The following ASTN2 variants were observed in gnomAD, a reference collection of about 807,000 sequenced individuals.
The protein encoded by ASTN2 is astrotactin 2.
In ASTN2, 54 loss-of-function variants were observed where a neutral mutation model predicts 139.8. The observed-to-expected ratio is 0.39, with a 90% confidence interval of 0.31 to 0.48. ASTN2 has a LOEUF of 0.48. Among genes scored for constraint, ASTN2 ranks in the 20% least tolerant of loss-of-function variants. ASTN2 has a pLI of 0.95. For missense variants in ASTN2, 1,565 were observed against 1,725.1 expected (o/e 0.91, Z 1.64); for synonymous variants, 756 against 719.5 (o/e 1.05, Z -0.81).
At chr9:117,112,006 T>TA (rs149500481) in intron 4 of ASTN2, among the ~76,000 whole-genome samples, 9,493 of 148,698 alleles carry the variant, frequency 0.064, 649 homozygotes, top group East Asian at 0.19. Context: ...CAGCAAAAGC[T>TA]AAAAAAAAAA....
At chr9:116,839,875 ATTATTATTTTTTTT>A (rs1564297108) in intron 11 of ASTN2, among the ~76,000 whole-genome samples, 2 of 106,028 alleles carry the variant, frequency 1.9e-5, no homozygotes, top group African/African-American at 9.2e-5. Context: ...TATTATTATT[ATTATTATTTTTTTT>A]TTTTTAATTG....
At chr9:116,445,816 C>T (rs1847970154) in intron 20 of ASTN2, among the ~76,000 whole-genome samples, 1 of 152,146 alleles carries the variant, frequency 6.6e-6, no homozygotes. Context: ...ATCTTTGCTC[C>T]CTAAAAGGTA....
chr9:117,296,276 TCAAAAAAA>T (rs1834731622), intron 1 of ASTN2, among the ~76,000 whole-genome samples: 1 of 12,164 alleles, frequency 8.2e-5, no homozygotes, highest in African/African-American at 2.8e-4. Context: ...AGACTGCATC[TCAAAAAAA>T]AAAAAAAAAA....
intron 19 of ASTN2, among the ~76,000 whole-genome samples, chr9:116,526,779 G>A (rs1005451669): frequency 1.1e-4 from 16 of 152,116 alleles, no homozygotes; most frequent in Admixed American, 3.3e-4. Flanking sequence ...AGCTCAGCCC[G>A]ATATCTGTAT....
intron 1 of ASTN2, among the ~76,000 whole-genome samples, chr9:117,312,968 A>G (rs961249127): frequency 6.6e-6 from 1 of 152,064 alleles, no homozygotes; most frequent in Admixed American, 6.6e-5. Flanking sequence ...AAATTTGCAA[A>G]CCCCAGAGTC....
At chr9:117,147,463 ACC>A (rs1303922580) in intron 3 of ASTN2, among the ~76,000 whole-genome samples, 196 of 147,724 alleles carry the variant, frequency 1.3e-3, no homozygotes, top group East Asian at 0.011. Flanking sequence ...ACACACACAC[ACC>A]CCCGTTATCC....
At chr9:116,681,321 C>T (rs538537931) in intron 16 of ASTN2, among the ~76,000 whole-genome samples, 103 of 152,074 alleles carry the variant, frequency 6.8e-4, no homozygotes, top group African/African-American at 2.1e-3. Flanking sequence ...TTACAAGGGA[C>T]GTGAAGGACC....
chr9:117,266,237 C>T (rs1833936305), intron 2 of ASTN2, among the ~76,000 whole-genome samples: 1 of 152,138 alleles, frequency 6.6e-6, no homozygotes, highest in Non-Finnish European at 1.5e-5. Flanking sequence ...CTATAACTCC[C>T]TCCCTCCCTA....
chr9:116,472,994 T>C (rs1848864339), intron 20 of ASTN2, among the ~76,000 whole-genome samples: 1 of 152,028 alleles, frequency 6.6e-6, no homozygotes, highest in South Asian at 2.1e-4. Flanking sequence ...GGCAAACCAT[T>C]AAGCCTTCCC....
intron 10 of ASTN2, among the ~76,000 whole-genome samples, chr9:116,876,368 G>A (rs1368816361): frequency 2.0e-5 from 3 of 152,202 alleles, no homozygotes; most frequent in African/African-American, 7.2e-5. Flanking sequence ...GGTTTCTTGA[G>A]TTGTAAACTA....
chr9:117,350,072 T>C (rs1031993935), intron 1 of ASTN2, among the ~76,000 whole-genome samples: 1 of 152,180 alleles, frequency 6.6e-6, no homozygotes, highest in African/African-American at 2.4e-5. Flanking sequence ...ACCATGATAA[T>C]GTAAGATGGT....
At chr9:116,925,800 G>A (rs926192202) in intron 10 of ASTN2, among the ~76,000 whole-genome samples, 1 of 151,720 alleles carries the variant, frequency 6.6e-6, no homozygotes, top group Non-Finnish European at 1.5e-5. Flanking sequence ...TAGACCATAT[G>A]TACCTCACCT....
At chr9:116,558,947 C>T (rs1852770026) in intron 19 of ASTN2, among the ~76,000 whole-genome samples, 1 of 152,222 alleles carries the variant, frequency 6.6e-6, no homozygotes, top group Non-Finnish European at 1.5e-5. Flanking sequence ...TATTGAGTGT[C>T]TACTATGAGC....
At chr9:117,135,768 AT>A (rs1341725933) in intron 4 of ASTN2, among the ~76,000 whole-genome samples, 1 of 152,152 alleles carries the variant, frequency 6.6e-6, no homozygotes, top group Admixed American at 6.5e-5. Context: ...CTGAGGCTGG[AT>A]TTTGAAGATA....
At chr9:116,933,841 C>T (rs574882632) in intron 10 of ASTN2, among the ~76,000 whole-genome samples, 1 of 152,158 alleles carries the variant, frequency 6.6e-6, no homozygotes, top group East Asian at 1.9e-4. Context: ...CTGGACTGCT[C>T]TGTCTTCTGG....
At chr9:116,793,973 A>T (rs529191377) in intron 13 of ASTN2, among the ~76,000 whole-genome samples, 1 of 152,188 alleles carries the variant, frequency 6.6e-6, no homozygotes, top group Admixed American at 6.5e-5. Flanking sequence ...GGAGTGTCCA[A>T]TTTTTTGGCT....
intron 12 of ASTN2, among the ~76,000 whole-genome samples, chr9:116,813,137 C>G (rs1831212866): frequency 6.6e-6 from 1 of 151,742 alleles, no homozygotes; most frequent in Non-Finnish European, 1.5e-5. Flanking sequence ...GGAAACCAGC[C>G]AAGATCTACA....
rs149207937 is a variant in ASTN2, at chr9:116,996,613, A to T, written c.1591+11479T>A. Among the ~76,000 whole-genome samples the T allele has an allele frequency of 7.1e-3, 1,078 of 152,260 alleles. 8 individuals are homozygous for T. Among genetic ancestry groups the T allele is most frequent in the Admixed American group, 0.012 (188 of 15,276 alleles). The stretch of plus-strand genomic sequence containing the variant: ...AGTTTATAAGAAGTGGGGCTGGATG[A>T]GGAACAGATTGTCCCATGCAGAAGA... On this transcript the variant is annotated intron_variant, in intron 7 of 22. Coordinates refer to ENST00000313400, the MANE Select transcript of ASTN2 (RefSeq NM_001365068.1).
chr9:116,426,223 C>T (rs1408336778), intron 22 of ASTN2, 135 bp from the exon 23 acceptor site: 1 of 1,083,850 alleles, frequency 9.2e-7, no homozygotes, highest in Admixed American at 2.5e-5. Flanking sequence ...GAGTGTGGTA[C>T]TTCAAACACT....
Sources: allele counts gnomAD v4.1 joint callset (sites outside exome capture counted in the v4.1 genomes callset), GRCh38; gene constraint gnomAD v4.1.1; transcripts MANE v1.5; gene names NCBI Gene and HGNC (gene_info 2026-07-23, HGNC 2026-07-21).